MRTO4: variants seen among roughly 807,000 people sequenced by gnomAD.
MRTO4 encodes the protein mRNA turnover protein 4 homolog.
Under a neutral mutation model 28.6 loss-of-function variants are expected in MRTO4, and 7 were observed. That is an observed-to-expected ratio of 0.24 (90% confidence interval 0.14 to 0.46). MRTO4 has a LOEUF of 0.46. MRTO4 is among the 20% of genes least tolerant of loss of function. MRTO4 has a pLI of 0.99. For missense variants in MRTO4, 302 were observed against 298.3 expected (o/e 1.01, Z -0.09); for synonymous variants, 113 against 108.2 (o/e 1.04, Z -0.27).
rs533331155 is a variant in MRTO4, at chr1:19,258,852, C to T, written c.*22C>T. 3.7e-6 allele frequency: 6 copies of T among 1,609,724 alleles called. No homozygotes were observed. Among genetic ancestry groups the T allele is most frequent in the Non-Finnish European group, 5.1e-6 (6 of 1,177,984 alleles). On this transcript the variant is annotated 3_prime_UTR_variant, in exon 8 of 8. Transcript: ENST00000330263. Reference sequence around the variant, plus strand: ...CTGAAAGGGACTCGGGACTGAAGGTCTCCTGGAAGCTTCTGGGTCTCACTG... The same window carrying T: ...CTGAAAGGGACTCGGGACTGAAGGTTTCCTGGAAGCTTCTGGGTCTCACTG...
At chr1:19,252,102 G>T in intron 1 of MRTO4, 1 of 575,460 alleles carries the variant, frequency 1.7e-6, no homozygotes, top group Non-Finnish European at 3.0e-6. Flanking sequence ...AGGTGCTCTT[G>T]CAAGGCCAAC....
chr1:19,257,154 C>T lies in MRTO4; in HGVS notation c.273+9C>T, dbSNP rs767035227. The T allele has an allele frequency of 3.1e-6, 5 of 1,613,670 alleles. No individual in the cohort carries two copies. Among genetic ancestry groups the T allele is most frequent in the South Asian group, 1.1e-5 (1 of 91,044 alleles). On this transcript the variant is annotated intron_variant, in intron 4 of 7. Coordinates refer to ENST00000330263, the MANE Select transcript of MRTO4 (RefSeq NM_016183.4). The stretch of plus-strand genomic sequence containing the variant: ...AAGACAACCTGCACCAGGTAAGTCT[C>T]TGGCCCTCACGGGGTGGAGCTAAGG...
At chr1:19,254,729 C>A in intron 1 of MRTO4, 53 bp from the exon 2 acceptor site, 2 of 1,411,732 alleles carry the variant, frequency 1.4e-6, no homozygotes, top group Non-Finnish European at 2.0e-6. Flanking sequence ...AAATAAGTCT[C>A]CAGTGCATTT....
chr1:19,254,676 A>G (rs958206429), intron 1 of MRTO4, 106 bp from the exon 2 acceptor site: 143 of 942,148 alleles, frequency 1.5e-4, no homozygotes, highest in Admixed American at 5.5e-4. Context: ...TTTTTTCAGA[A>G]TGGCTGCATC....
intron 6 of MRTO4, 89 bp downstream of exon 6, chr1:19,258,073 T>C: frequency 6.8e-7 from 1 of 1,478,434 alleles, no homozygotes; most frequent in South Asian, 1.3e-5. Context: ...GAGCAAGTTA[T>C]TTCTACAAGC....
chr1:19,252,056 G>A, intron 1 of MRTO4, 193 bp downstream of exon 1: 1 of 795,278 alleles, frequency 1.3e-6, no homozygotes, highest in Non-Finnish European at 1.9e-6. Context: ...ACGCCCGGTC[G>A]GGTCTGGGGA....
chr1:19,255,500 G>T (rs1178190249), intron 2 of MRTO4, among the ~76,000 whole-genome samples: 2 of 152,034 alleles, frequency 1.3e-5, no homozygotes, highest in African/African-American at 4.8e-5. Context: ...TGGGCTGCAG[G>T]CTGGGTGAAA....
chr1:19,257,061 T>C lies in MRTO4; in HGVS notation c.192-3T>C, dbSNP rs1266960773. On this transcript the variant is annotated splice_region_variant and splice_polypyrimidine_tract_variant and intron_variant, in intron 3 of 7. Coordinates refer to ENST00000330263, the MANE Select transcript of MRTO4 (RefSeq NM_016183.4). ...ACAGAATGCTCTTTCTCTTGCTTGG[T>C]AGGATGTTCTTTGGCAAAAACAAGG... The C allele has an allele frequency of 6.2e-7, 1 of 1,613,562 alleles. No individual in the cohort carries two copies. The highest frequency in any genetic ancestry group is 8.5e-7 in the Non-Finnish European group (1 of 1,179,774).
chr1:19,252,825 T>G (rs993787094), intron 1 of MRTO4, among the ~76,000 whole-genome samples: 2 of 152,154 alleles, frequency 1.3e-5, no homozygotes, highest in African/African-American at 4.8e-5. Context: ...TAGGTTTTTT[T>G]TGTTTATTTT....
At chr1:19,252,189 C>T (rs1304049630) in intron 1 of MRTO4, 7 of 410,880 alleles carry the variant, frequency 1.7e-5, no homozygotes, top group Admixed American at 4.2e-5. Context: ...CCAACTTCGG[C>T]CCTTTCTCAT....
In MRTO4 at chr1:19,258,814, C is replaced by T. The variant is rs770287349; in HGVS notation, c.704C>T (p.Ser235Leu). 1.8e-5 allele frequency: 29 copies of T among 1,613,984 alleles called. No individual in the cohort carries two copies. The highest frequency in any genetic ancestry group is 2.3e-5 in the Non-Finnish European group (27 of 1,180,006). The change falls in exon 8 of 8, where the codon TCA (serine) becomes TTA (leucine). Residue 235 changes from serine to leucine, a missense_variant. Coordinates refer to ENST00000330263, the MANE Select transcript of MRTO4 (RefSeq NM_016183.4). ...TCTGAGTCCACAGAAGAGTCAGACTCAGAAGATGATGACTGAAAGGGACTC... is the reference window on the plus strand; with the variant it reads ...TCTGAGTCCACAGAAGAGTCAGACTTAGAAGATGATGACTGAAAGGGACTC... ...SASESTEESD[S>L]EDDD
At chr1:19,252,222 G>GGGA (rs1191093737) in intron 1 of MRTO4, 1 of 351,240 alleles carries the variant, frequency 2.8e-6, no homozygotes. Context: ...CCGCCACCCT[G>GGGA]GCTGCCTTTC....
chr1:19,255,803 A>T, intron 2 of MRTO4, 145 bp from the exon 3 acceptor site: 1 of 647,488 alleles, frequency 1.5e-6, no homozygotes, highest in Non-Finnish European at 2.7e-6. Context: ...TAATGGAGGT[A>T]GGAGACAACC....
Position 19,258,953 on chromosome 1 carries a change from C to A in MRTO4, c.*123C>A. ...CTGTAGACAGGGAACATGATGGGCA[C>A]TGACCTCCTGTAAAGAATAAAACTG... On this transcript the variant is annotated 3_prime_UTR_variant, in exon 8 of 8. Transcript: ENST00000330263. 8.4e-7 allele frequency: 1 copy of A among 1,190,292 alleles called. No individual in the cohort carries two copies. Among genetic ancestry groups the A allele is most frequent in the East Asian group, 2.6e-5 (1 of 38,974 alleles). 73.7% of individuals were successfully genotyped at this position (1,190,292 alleles called of 1,614,324 possible).
At chr1:19,255,288 G>A (rs2093669722) in intron 2 of MRTO4, among the ~76,000 whole-genome samples, 1 of 151,914 alleles carries the variant, frequency 6.6e-6, no homozygotes, top group Admixed American at 6.6e-5. Flanking sequence ...GAGTCTGGGA[G>A]CTCAAGAGCA....
In MRTO4 at chr1:19,256,062, A is replaced by C; in HGVS notation, c.191+11A>C. 1 of 1,612,450 alleles carries C rather than the reference A, an allele frequency of 6.2e-7. No individual in the cohort carries two copies. Among genetic ancestry groups the C allele is most frequent in the Non-Finnish European group, 8.5e-7 (1 of 1,178,596 alleles). Reference sequence around the variant, plus strand: ...CTGGAAGCACAGCCGGTGAGCGGGCAGGGGGAGGAAGGCCCTTCTGAGTGG... The same window carrying C: ...CTGGAAGCACAGCCGGTGAGCGGGCCGGGGGAGGAAGGCCCTTCTGAGTGG... On this transcript the variant is annotated intron_variant, in intron 3 of 7. Coordinates refer to ENST00000330263, the MANE Select transcript of MRTO4 (RefSeq NM_016183.4).
intron 1 of MRTO4, 98 bp downstream of exon 1, chr1:19,251,961 C>A (rs540042810): frequency 2.7e-6 from 4 of 1,478,394 alleles, no homozygotes; most frequent in South Asian, 2.5e-5. Flanking sequence ...CAGATTGGAA[C>A]GCCAGGACAT....
rs1569601325 is a variant in MRTO4, at chr1:19,257,892, C to T, written c.401C>T (p.Thr134Ile). Residue 134 changes from threonine (T) to isoleucine (I), a missense_variant, in exon 6 of 8, where the codon ACT (threonine) becomes ATT (isoleucine). Physicochemically the swap from Thr to Ile is moderately conservative, Grantham distance 89 (BLOSUM62 -1). Transcript: ENST00000330263. Reference protein sequence around the residue: ...YARAGNKAAFTVSLDPGPLEQ... With the variant: ...YARAGNKAAFIVSLDPGPLEQ... Reference sequence around the variant, plus strand: ...CGAGCTGGTAACAAAGCAGCTTTCACTGTGAGCCTGGATCCAGGGCCCCTG... The same window carrying T: ...CGAGCTGGTAACAAAGCAGCTTTCATTGTGAGCCTGGATCCAGGGCCCCTG... The T allele has an allele frequency of 3.7e-6, 6 of 1,614,166 alleles. No individual in the cohort carries two copies. Among genetic ancestry groups the T allele is most frequent in the South Asian group, 2.2e-5 (2 of 91,090 alleles).
chr1:19,253,660 G>A (rs892206355), intron 1 of MRTO4, among the ~76,000 whole-genome samples: 7 of 152,212 alleles, frequency 4.6e-5, no homozygotes, highest in East Asian at 1.9e-4. Context: ...GAAGTGGCCC[G>A]CTATATTTCG....
Sources: allele counts gnomAD v4.1 joint callset (sites outside exome capture counted in the v4.1 genomes callset), GRCh38; gene constraint gnomAD v4.1.1; transcripts MANE v1.5; gene names NCBI Gene and HGNC (gene_info 2026-07-23, HGNC 2026-07-21).